The following GPRIN1 variants were observed in gnomAD, a reference collection of about 807,000 sequenced individuals.
GPRIN1 encodes G protein-regulated inducer of neurite outgrowth 1.
In GPRIN1, 4 loss-of-function variants were observed where a neutral mutation model predicts 2.8. The observed-to-expected ratio is 1.45, with a 90% confidence interval of 0.71 to 3.32. The LOEUF (loss-of-function observed/expected upper bound fraction) is 3.32, where lower values mean the gene tolerates loss of function less well. Ranked by LOEUF, GPRIN1 falls within the 30% of genes most tolerant of loss-of-function variation. GPRIN1 has a pLI of 0.01. For synonymous variants in GPRIN1, 589 were observed against 589.9 expected, an observed-to-expected ratio of 1.00 and a Z score of 0.02; for missense variants, 1,322 against 1,343.4, an observed-to-expected ratio of 0.98 and a Z score of 0.25.
intron 1 of GPRIN1, among the ~76,000 whole-genome samples, chr5:176,609,590 G>A (rs1170719390): frequency 1.3e-5 from 2 of 152,118 alleles, no homozygotes; most frequent in African/African-American, 4.8e-5. Flanking sequence ...AGCTCGCTCC[G>A]GGGAAGATGA....
intron 1 of GPRIN1, among the ~76,000 whole-genome samples, chr5:176,603,490 G>A (rs1759177477): frequency 6.6e-6 from 1 of 152,150 alleles, no homozygotes; most frequent in South Asian, 2.1e-4. Flanking sequence ...TCCCTGGCCA[G>A]ACCTCAGGTC....
Position 176,597,150 on chromosome 5 carries a change from T to C in GPRIN1, c.2685A>G (p.Ser895=). Residue 895 remains serine, a synonymous_variant, in exon 2 of 2, where the codon TCA becomes TCG. Transcript: ENST00000303991. This position sits in a 1 kb window ranked among gnomAD's most constrained non-coding sequence, Gnocchi z 6.1. ...AFPEVRVRPG[S]ALAAAVAPPE... Reference sequence around the variant, plus strand: ...GGGGCGCTACAGCGGCCGCCAGCGCTGAGCCGGGCCGCACCCGCACTTCGG... The same window carrying C: ...GGGGCGCTACAGCGGCCGCCAGCGCCGAGCCGGGCCGCACCCGCACTTCGG... 1.4e-6 allele frequency: 2 copies of C among 1,422,956 alleles called. No homozygotes were observed. Among genetic ancestry groups the C allele is most frequent in the South Asian group, 1.5e-5 (1 of 65,860 alleles). The allele number at this position is 1,422,956 out of a possible 1,614,324, so 88.1% of individuals were successfully genotyped here.
At chr5:176,606,846 T>A (rs1759227047) in intron 1 of GPRIN1, among the ~76,000 whole-genome samples, 1 of 152,238 alleles carries the variant, frequency 6.6e-6, no homozygotes, top group African/African-American at 2.4e-5. Context: ...GTAGTCCTGT[T>A]TTCCAGAGGA....
At position 176,596,939 on chromosome 5, in the gene GPRIN1, C is replaced by CG; in HGVS notation, c.2895dup (p.Gly966ArgfsTer67). On this transcript the variant is annotated frameshift_variant, in exon 2 of 2. Transcript: ENST00000303991. LOFTEE classifies it high-confidence loss of function. This position sits in a 1 kb window ranked among gnomAD's most constrained non-coding sequence, Gnocchi z 5.2. ...GCGGTGCGCACCGAGCCCGAACGGC[C>CG]GGGGCCGGCACGGGCGGCGGGCGGC... 8.1e-7 allele frequency: 1 copy of CG among 1,239,492 alleles called. No homozygotes were observed. The highest frequency in any genetic ancestry group is 1.0e-6 in the Non-Finnish European group (1 of 993,136). 76.8% of individuals were successfully genotyped at this position (1,239,492 alleles called of 1,614,324 possible). A position where few individuals can be genotyped will look rare whatever the true frequency, so the allele number is the denominator to read the frequency against.
At position 176,598,574 on chromosome 5, in the gene GPRIN1, G is replaced by A; in HGVS notation, c.1261C>T (p.Leu421=). Residue 421 remains leucine, a synonymous_variant, in exon 2 of 2, where the codon CTG becomes TTG. Transcript: ENST00000303991. ...MSSGKVDPVS[L]GKMDPMCSGK... ...GAGCACATGGGGTCCATCTTTCCCA[G>A]AGAAACTGGATCCACCTTGCCTGAA... is the stretch of plus-strand genomic sequence containing the variant. 6.2e-7 allele frequency: 1 copy of A among 1,614,136 alleles called. No individual in the cohort carries two copies. Among genetic ancestry groups the A allele is most frequent in the Non-Finnish European group, 8.5e-7 (1 of 1,180,046 alleles).
chr5:176,597,084 C>T lies in GPRIN1; in HGVS notation c.2751G>A (p.Glu917=). The change falls in exon 2 of 2, where the codon GAG becomes GAA. Residue 917 remains glutamate, a synonymous_variant. Transcript: ENST00000303991. This position sits in a 1 kb window ranked among gnomAD's most constrained non-coding sequence, Gnocchi z 6.1. The part of the protein sequence containing the change: ...AEPVRDVSWD[E]KGMTWEVYGA... ...CGTATACCTCCCACGTCATGCCCTTCTCGTCCCAGCTCACGTCTCGCACGG... is the reference window on the plus strand; with the variant it reads ...CGTATACCTCCCACGTCATGCCCTTTTCGTCCCAGCTCACGTCTCGCACGG... The T allele has an allele frequency of 6.7e-7, 1 of 1,496,642 alleles. No individual in the cohort carries two copies. The highest frequency in any genetic ancestry group is 8.9e-7 in the Non-Finnish European group (1 of 1,119,912). The allele number at this position is 1,496,642 out of a possible 1,614,324, so 92.7% of individuals were successfully genotyped here.
At chr5:176,609,113 G>A (rs1451105051) in intron 1 of GPRIN1, among the ~76,000 whole-genome samples, 1 of 152,260 alleles carries the variant, frequency 6.6e-6, no homozygotes. Context: ...ACGTGGGCCA[G>A]TGTGGGTGGG....
chr5:176,607,018 T>G (rs951337253), intron 1 of GPRIN1, among the ~76,000 whole-genome samples: 2 of 152,094 alleles, frequency 1.3e-5, no homozygotes, highest in Non-Finnish European at 2.9e-5. Context: ...AGATGTGGGG[T>G]CAAGCCCCAG....
rs763269493 is a variant in GPRIN1, at chr5:176,599,418, G to A, written c.417C>T (p.Pro139=). Residue 139 remains proline, a synonymous_variant, in exon 2 of 2, where the codon CCC becomes CCT. Transcript: ENST00000303991. The part of the protein sequence containing the change: ...PEPVSSVKTE[P]KSSDDRNPMF... ...TGGGATTTCTGTCATCTGAGGATTT[G>A]GGCTCAGTTTTCACGGAGGACACAG... 7 of 1,614,078 alleles carry A rather than the reference G, an allele frequency of 4.3e-6. No homozygotes were observed. In the East Asian group the frequency reaches 1.6e-4, roughly 36 times the overall value.
intron 1 of GPRIN1, among the ~76,000 whole-genome samples, chr5:176,605,721 AG>A (rs1269435934): frequency 6.6e-6 from 1 of 152,040 alleles, no homozygotes; most frequent in African/African-American, 2.4e-5. Flanking sequence ...CCTGCTCCAG[AG>A]GCTGAGGCAG....
At position 176,596,420 on chromosome 5, in the gene GPRIN1, C is replaced by A. The variant is rs1458276805; in HGVS notation, c.*388G>T. On this transcript the variant is annotated 3_prime_UTR_variant, in exon 2 of 2. Coordinates refer to ENST00000303991, the MANE Select transcript of GPRIN1 (RefSeq NM_052899.3). This position sits in a 1 kb window ranked among gnomAD's most constrained non-coding sequence, Gnocchi z 5.2. ...GACTTGTATGCAGTCTCTCCCTGTT[C>A]TGGGGATCTGGCCCCACCGGAGACC... 1 of 155,966 alleles carries A rather than the reference C, an allele frequency of 6.4e-6. No individual in the cohort carries two copies. The highest frequency in any genetic ancestry group is 2.4e-5 in the African/African-American group (1 of 41,586). The allele number at this position is 155,966 out of a possible 1,614,324, so 9.7% of individuals were successfully genotyped here.
chr5:176,597,269 C>G lies in GPRIN1; in HGVS notation c.2566G>C (p.Asp856His). The G allele has an allele frequency of 8.1e-7, 1 of 1,241,706 alleles. No individual in the cohort carries two copies. The highest frequency in any genetic ancestry group is 1.0e-6 in the Non-Finnish European group (1 of 995,012). The allele number at this position is 1,241,706 out of a possible 1,614,324, so 76.9% of individuals were successfully genotyped here. ...CCCAGCGACACCTGCAGGCCCGCAT[C>G]TCGGCGCGAGGGCGGGCTGGGCGCG... is the stretch of plus-strand genomic sequence containing the variant. ...PRAPSPPSRR[D>H]AGLQVSLGAA... The change falls in exon 2 of 2, where the codon GAT becomes CAT. Residue 856 changes from aspartate (D) to histidine (H), a missense_variant. By Grantham distance (81) the Asp-to-His change is moderately conservative. Transcript: ENST00000303991. This position sits in a 1 kb window ranked among gnomAD's most constrained non-coding sequence, Gnocchi z 6.1.
In GPRIN1 at chr5:176,602,090, C is replaced by T. The variant is rs985594195; in HGVS notation, c.-43-2213G>A. On this transcript the variant is annotated intron_variant, in intron 1 of 1. Coordinates refer to ENST00000303991, the MANE Select transcript of GPRIN1 (RefSeq NM_052899.3). The surrounding 1 kb of genome is among the most constrained non-coding windows in gnomAD (Gnocchi z 4.4). ...CCTTTCTGCTGCTGCTCTCCCTCTC[C>T]CTCACGCTGCTTCAGCCACGCGGGG... Among the ~76,000 whole-genome samples, 12 of 152,230 alleles carry T rather than the reference C, an allele frequency of 7.9e-5. No homozygotes were observed. Among genetic ancestry groups the T allele is most frequent in the Admixed American group, 2.0e-4 (3 of 15,290 alleles).
chr5:176,598,912 G>A lies in GPRIN1; in HGVS notation c.923C>T (p.Ala308Val), dbSNP rs34677169. 3.8e-4 allele frequency: 612 copies of A among 1,614,008 alleles called. 2 individuals carry two copies. The African/African-American group carries it at 7.0e-3, about 18-fold the overall frequency. Residue 308 changes from alanine to valine, a missense_variant, in exon 2 of 2, where the codon GCG (alanine) becomes GTG (valine). Physicochemically the swap from Ala to Val is moderately conservative, Grantham distance 64. Coordinates refer to ENST00000303991, the MANE Select transcript of GPRIN1 (RefSeq NM_052899.3). ...DPMPLESMDS[A>V]STGKTEPGLL... ...CCCCGGCTCTGTCTTTCCTGTGGAC[G>A]CAGAATCCATGCTTTCCAAGGGCAT...
chr5:176,599,565 G>A lies in GPRIN1; in HGVS notation c.270C>T (p.Ser90=), dbSNP rs1759115189. ...AGCAGGTTGGGGAGGGGCAGGCCAGGCTCCCTCTGGGGCCGTCAGAGCAGG... is the reference window on the plus strand; with the variant it reads ...AGCAGGTTGGGGAGGGGCAGGCCAGACTCCCTCTGGGGCCGTCAGAGCAGG... ...GASCSDGPRG[S]LACPSPTCFS... Residue 90 remains serine, a synonymous_variant, in exon 2 of 2, where the codon AGC becomes AGT. Coordinates refer to ENST00000303991, the MANE Select transcript of GPRIN1 (RefSeq NM_052899.3). 1.3e-6 allele frequency: 2 copies of A among 1,578,204 alleles called. No homozygotes were observed. Among genetic ancestry groups the A allele is most frequent in the Non-Finnish European group, 8.6e-7 (1 of 1,163,446 alleles).
chr5:176,597,439 G>T lies in GPRIN1; in HGVS notation c.2396C>A (p.Ser799Ter). 1 of 1,303,964 alleles carries T rather than the reference G, an allele frequency of 7.7e-7. No individual in the cohort carries two copies. The highest frequency in any genetic ancestry group is 2.4e-5 in the South Asian group (1 of 42,096). 80.8% of individuals were successfully genotyped at this position (1,303,964 alleles called of 1,614,324 possible). A position where few individuals can be genotyped will look rare whatever the true frequency, so the allele number is the denominator to read the frequency against. The change falls in exon 2 of 2, where the codon TCG becomes TAG. Residue 799 changes from serine to a stop codon, truncating the protein, a stop_gained. Transcript: ENST00000303991. LOFTEE classifies it low-confidence loss of function (END_TRUNC). The surrounding 1 kb of genome is among the most constrained non-coding windows in gnomAD (Gnocchi z 6.1). ...CGGCGGCGGGGCGCTCGCCTCCCAC[G>T]ACGGCGCCTTGGTGAAGTTGTCGCG... ...RTRDNFTKAP[S>*]WEASAPPPPR...
In GPRIN1 at chr5:176,596,949, A is replaced by ACGGGCGG. The variant is rs1359594686; in HGVS notation, c.2879_2885dup (p.Ala963ArgfsTer72). On this transcript the variant is annotated frameshift_variant, in exon 2 of 2. Coordinates refer to ENST00000303991, the MANE Select transcript of GPRIN1 (RefSeq NM_052899.3). LOFTEE classifies it high-confidence loss of function. This position sits in a 1 kb window ranked among gnomAD's most constrained non-coding sequence, Gnocchi z 5.2. The stretch of plus-strand genomic sequence containing the variant: ...CCGAGCCCGAACGGCCGGGGCCGGC[A>ACGGGCGG]CGGGCGGCGGGCGGCGGCGCGGGCG... 7 of 1,284,764 alleles carry ACGGGCGG rather than the reference A, an allele frequency of 5.4e-6. No individual in the cohort carries two copies. The highest frequency in any genetic ancestry group is 1.5e-5 in the African/African-American group (1 of 64,868). 79.6% of individuals were successfully genotyped at this position (1,284,764 alleles called of 1,614,324 possible). A position where few individuals can be genotyped will look rare whatever the true frequency, so the allele number is the denominator to read the frequency against.
At position 176,595,899 on chromosome 5, in the gene GPRIN1, A is replaced by G. The variant is rs1445191482; in HGVS notation, c.*909T>C. 1 of 421,782 alleles carries G rather than the reference A, an allele frequency of 2.4e-6. No homozygotes were observed. Among genetic ancestry groups the G allele is most frequent in the Non-Finnish European group, 4.2e-6 (1 of 239,802 alleles). 26.1% of individuals were successfully genotyped at this position (421,782 alleles called of 1,614,324 possible). A position where few individuals can be genotyped will look rare whatever the true frequency, so the allele number is the denominator to read the frequency against. On this transcript the variant is annotated 3_prime_UTR_variant, in exon 2 of 2. Coordinates refer to ENST00000303991, the MANE Select transcript of GPRIN1 (RefSeq NM_052899.3). Reference sequence around the variant, plus strand: ...ACGGGACACTGAGTGGTCACAAGGGACTTGGGCTCACAGCACAGGGGGGAC... The same window carrying G: ...ACGGGACACTGAGTGGTCACAAGGGGCTTGGGCTCACAGCACAGGGGGGAC...
rs947373118 is a variant in GPRIN1, at chr5:176,599,012, G to A, written c.823C>T (p.Pro275Ser). 2 of 1,614,144 alleles carry A rather than the reference G, an allele frequency of 1.2e-6. No homozygotes were observed. Among genetic ancestry groups the A allele is most frequent in the Admixed American group, 1.7e-5 (1 of 60,014 alleles). The change falls in exon 2 of 2, where the codon CCT (proline) becomes TCT (serine). Residue 275 changes from proline to serine, a missense_variant. Physicochemically the swap from Pro to Ser is moderately conservative, Grantham distance 74 (BLOSUM62 -1). Coordinates refer to ENST00000303991, the MANE Select transcript of GPRIN1 (RefSeq NM_052899.3). ...EHPVSSEKVA[P>S]TSAEKVDLVL... ...AGATCTACCTTTTCTGCAGATGTAGGAGCGACCTTTTCTGAGGACACAGGA... is the reference window on the plus strand; with the variant it reads ...AGATCTACCTTTTCTGCAGATGTAGAAGCGACCTTTTCTGAGGACACAGGA...
Sources: allele counts gnomAD v4.1 joint callset (sites outside exome capture counted in the v4.1 genomes callset), GRCh38; gene constraint gnomAD v4.1.1; non-coding constraint Gnocchi (gnomAD v3.1); transcripts MANE v1.5; gene names NCBI Gene and HGNC (gene_info 2026-07-23, HGNC 2026-07-21).